KCNB2: variants seen among roughly 807,000 people sequenced by gnomAD.
The protein encoded by KCNB2 is delayed rectifier potassium channel protein.
In KCNB2, 15 loss-of-function variants were observed where a neutral mutation model predicts 61.5. The observed-to-expected ratio is 0.24, with a 90% confidence interval of 0.16 to 0.38. The LOEUF (loss-of-function observed/expected upper bound fraction) is 0.38. Ranked by LOEUF, KCNB2 falls within the 10% of genes least tolerant of loss-of-function variation. KCNB2 has a pLI of 1.00. For synonymous variants in KCNB2, 457 were observed against 446.0 expected (o/e 1.02, Z -0.31); for missense variants, 828 against 1,125.2 (o/e 0.74, Z 3.78).
chr8:72,806,352 T>A (rs1460596866), intron 2 of KCNB2, among the ~76,000 whole-genome samples: 55 of 71,328 alleles, frequency 7.7e-4, no homozygotes, highest in Middle Eastern at 0.019. Flanking sequence ...AGCGAGACTC[T>A]AAGAAAAAAA....
intron 2 of KCNB2, among the ~76,000 whole-genome samples, chr8:72,679,343 T>C (rs2256706): frequency 0.27 from 41,026 of 152,154 alleles, 9,970 homozygotes; most frequent in African/African-American, 0.65. Context: ...GTTCCTTTCA[T>C]GTTTATTAAC....
At chr8:72,661,592 CTCA>C (rs1295041933) in intron 2 of KCNB2, 6 of 152,150 alleles carry the variant, frequency 3.9e-5, no homozygotes, top group African/African-American at 1.4e-4. Flanking sequence ...CTTTCCATTC[CTCA>C]TCGTTTTATG....
chr8:72,871,052 T>TA (rs542907900), intron 2 of KCNB2, among the ~76,000 whole-genome samples: 58 of 152,154 alleles, frequency 3.8e-4, no homozygotes, highest in African/African-American at 1.3e-3. Context: ...CTAGTTCTGT[T>TA]CCCCCCACCA....
intron 2 of KCNB2, among the ~76,000 whole-genome samples, chr8:72,867,064 C>T (rs1805532227): frequency 6.6e-6 from 1 of 152,192 alleles, no homozygotes; most frequent in Admixed American, 6.5e-5. Flanking sequence ...ATATCTTGCA[C>T]TTTGCCTGGC....
chr8:72,759,504 G>A (rs1189399455), intron 2 of KCNB2, among the ~76,000 whole-genome samples: 1 of 152,108 alleles, frequency 6.6e-6, no homozygotes, highest in South Asian at 2.1e-4. Context: ...TCCTACCACT[G>A]TTACCCAAAA....
At chr8:72,915,683 G>T (rs1806385008) in intron 2 of KCNB2, among the ~76,000 whole-genome samples, 1 of 152,178 alleles carries the variant, frequency 6.6e-6, no homozygotes, top group Non-Finnish European at 1.5e-5. Context: ...ACTTTGGGAG[G>T]CTGAGGCGGG....
chr8:72,609,998 C>A (rs779112168), intron 2 of KCNB2, among the ~76,000 whole-genome samples: 1 of 151,988 alleles, frequency 6.6e-6, no homozygotes, highest in African/African-American at 2.4e-5. Context: ...TGTAAAAGAT[C>A]CTGAAAACCT....
chr8:72,684,630 T>G (rs1016214217), intron 2 of KCNB2, among the ~76,000 whole-genome samples: 2 of 152,236 alleles, frequency 1.3e-5, no homozygotes, highest in African/African-American at 4.8e-5. Context: ...TCCTTTTCTG[T>G]AAATAAAGCC....
chr8:72,621,679 A>G (rs1233474499), intron 2 of KCNB2, among the ~76,000 whole-genome samples: 1 of 152,190 alleles, frequency 6.6e-6, no homozygotes, highest in East Asian at 1.9e-4. Context: ...GCCTGCACTC[A>G]TTTTAATTAG....
chr8:72,935,600 G>C (rs1806883181), intron 2 of KCNB2, among the ~76,000 whole-genome samples: 1 of 152,146 alleles, frequency 6.6e-6, no homozygotes, highest in Non-Finnish European at 1.5e-5. Context: ...AGGTGGTTAA[G>C]AGAGAAAAAT....
At chr8:72,581,698 A>T (rs1239311878) in intron 2 of KCNB2, among the ~76,000 whole-genome samples, 1 of 152,178 alleles carries the variant, frequency 6.6e-6, no homozygotes, top group Non-Finnish European at 1.5e-5. Flanking sequence ...TAGGCTGAGA[A>T]CCACAGATGT....
chr8:72,624,606 CCTGATCACA>C (rs958424741), intron 2 of KCNB2, among the ~76,000 whole-genome samples: 9 of 152,078 alleles, frequency 5.9e-5, no homozygotes, highest in Admixed American at 1.3e-4. Context: ...ATTAACCCTA[CCTGATCACA>C]CTAACAAGAT....
intron 1 of KCNB2, among the ~76,000 whole-genome samples, chr8:72,550,156 A>G (rs1359633110): frequency 1.3e-5 from 2 of 152,242 alleles, no homozygotes; most frequent in South Asian, 2.1e-4. Flanking sequence ...ATGCTGAACT[A>G]TTTAACTCTT....
chr8:72,616,943 C>CA, intron 2 of KCNB2, among the ~76,000 whole-genome samples: 1 of 152,192 alleles, frequency 6.6e-6, no homozygotes, highest in East Asian at 1.9e-4. Flanking sequence ...ACGGCTCTTA[C>CA]ACATTGCTTA....
At position 72,777,359 on chromosome 8, in the gene KCNB2, G is replaced by T. The variant is rs150792845; in HGVS notation, c.580-158576G>T. Among the ~76,000 whole-genome samples the T allele has an allele frequency of 5.7e-3, 863 of 152,284 alleles. 11 individuals are homozygous for T. The highest frequency in any genetic ancestry group is 0.02 in the African/African-American group (830 of 41,548). ...ACCCTTAGGTTTGTTAGGTATGGGG[G>T]TGATGACGTTTTCTTGAAGCTCTTC... On this transcript the variant is annotated intron_variant, in intron 2 of 2. Transcript: ENST00000523207.
chr8:72,859,706 CGT>C (rs1491321684), intron 2 of KCNB2, among the ~76,000 whole-genome samples: 829 of 73,426 alleles, frequency 0.011, 288 homozygotes, highest in African/African-American at 0.021. Flanking sequence ...TACTTCATTT[CGT>C]TTTTTTTTTT....
intron 2 of KCNB2, among the ~76,000 whole-genome samples, chr8:72,896,546 C>G (rs1805992123): frequency 6.6e-6 from 1 of 152,114 alleles, no homozygotes; most frequent in Admixed American, 6.6e-5. Flanking sequence ...TGCATTTAAA[C>G]ATTTGTGCAG....
intron 2 of KCNB2, among the ~76,000 whole-genome samples, chr8:72,864,695 G>A (rs1343829598): frequency 6.6e-6 from 1 of 152,182 alleles, no homozygotes; most frequent in Non-Finnish European, 1.5e-5. Flanking sequence ...AGACGAAGGT[G>A]ACTGTAATAG....
chr8:72,603,331 T>C (rs1805388937), intron 2 of KCNB2, among the ~76,000 whole-genome samples: 1 of 152,212 alleles, frequency 6.6e-6, no homozygotes, highest in African/African-American at 2.4e-5. Flanking sequence ...CTACCTGTCA[T>C]GTTCCATTGC....
Sources: gnomAD v4.1 joint callset for allele counts (sites outside exome capture counted in the v4.1 genomes callset) on GRCh38, gnomAD v4.1.1 for gene constraint, MANE v1.5 for transcripts, NCBI Gene and HGNC (gene_info 2026-07-23, HGNC 2026-07-21) for gene names.